ASAP2: variants seen among roughly 807,000 people sequenced by gnomAD.
ASAP2 encodes ArfGAP with SH3 domain, ankyrin repeat and PH domain 2.
In ASAP2, 45 loss-of-function variants were observed where a neutral mutation model predicts 131.4. That is an observed-to-expected ratio of 0.34 (90% confidence interval 0.27 to 0.44). The LOEUF (loss-of-function observed/expected upper bound fraction) is 0.44. Among genes scored for constraint, ASAP2 ranks in the 20% least tolerant of loss-of-function variants. ASAP2 has a pLI of 1.00. For missense variants in ASAP2, 1,011 were observed against 1,297.0 expected (o/e 0.78, Z 3.39); for synonymous variants, 510 against 503.0 (o/e 1.01, Z -0.19).
intron 2 of ASAP2, among the ~76,000 whole-genome samples, chr2:9,282,896 CTGAG>C (rs1165932420): frequency 1.3e-5 from 2 of 152,208 alleles, no homozygotes; most frequent in Non-Finnish European, 2.9e-5. Flanking sequence ...TCACTGCTTC[CTGAG>C]TGTGTGCCAG....
intron 9 of ASAP2, among the ~76,000 whole-genome samples, chr2:9,344,297 C>T (rs1221271755): frequency 5.3e-5 from 8 of 152,098 alleles, no homozygotes; most frequent in Admixed American, 4.6e-4. Flanking sequence ...TTCCTTCAGC[C>T]AGTTTGGGAA....
intron 1 of ASAP2, among the ~76,000 whole-genome samples, chr2:9,264,932 A>G (rs1207675720): frequency 6.6e-6 from 1 of 152,204 alleles, no homozygotes; most frequent in Admixed American, 6.5e-5. Context: ...TGAGCCCAGG[A>G]GTTTGAGACC....
chr2:9,395,594 C>CTTTTTT lies in ASAP2; in HGVS notation c.2684+1973_2684+1978dup. Among the ~76,000 whole-genome samples the CTTTTTT allele has an allele frequency of 6.5e-3, 382 of 59,048 alleles. 38 individuals carry two copies. Among genetic ancestry groups the CTTTTTT allele is most frequent in the Non-Finnish European group, 0.011 (295 of 27,434 alleles). 38.7% of individuals were successfully genotyped at this position (59,048 alleles called of 152,430 possible). A position where few individuals can be genotyped will look rare whatever the true frequency, so the allele number is the denominator to read the frequency against. On this transcript the variant is annotated intron_variant, in intron 24 of 27. Coordinates refer to ENST00000281419, the MANE Select transcript of ASAP2 (RefSeq NM_003887.3). Reference sequence around the variant, plus strand: ...GTTTTGTTTTTCTTGTGTTTTTTTTCTTTTTTTTTTTTTTTTTTTTTTTTT... The same window carrying CTTTTTT: ...GTTTTGTTTTTCTTGTGTTTTTTTTCTTTTTTTTTTTTTTTTTTTTTTTTTTTTTTT...
chr2:9,356,163 G>A lies in ASAP2; in HGVS notation c.1161-16G>A, dbSNP rs761968954. ...TGTTTGTGGAATTTAACACAGCGTT[G>A]CTCTTGTTTTTCTAGATGGATGTCT... is the stretch of plus-strand genomic sequence containing the variant. On this transcript the variant is annotated splice_polypyrimidine_tract_variant and intron_variant, in intron 13 of 27. Coordinates refer to ENST00000281419, the MANE Select transcript of ASAP2 (RefSeq NM_003887.3). The A allele has an allele frequency of 3.7e-6, 6 of 1,613,934 alleles. No individual in the cohort carries two copies. Among genetic ancestry groups the A allele is most frequent in the Admixed American group, 1.7e-5 (1 of 60,002 alleles).
intron 27 of ASAP2, 120 bp downstream of exon 27, chr2:9,401,516 T>A (rs1256754001): frequency 7.6e-7 from 1 of 1,323,480 alleles, no homozygotes; most frequent in African/African-American, 1.5e-5. Context: ...ATGTAGTTCC[T>A]GGTGCCTCCG....
At chr2:9,356,407 A>C in intron 14 of ASAP2, 62 bp downstream of exon 14, 4 of 1,474,476 alleles carry the variant, frequency 2.7e-6, no homozygotes, top group South Asian at 1.4e-5. Context: ...TCTGATTCAC[A>C]GAATCCGTTC....
chr2:9,306,228 TGTA>T (rs1668930180), intron 3 of ASAP2, among the ~76,000 whole-genome samples: 1 of 143,602 alleles, frequency 7.0e-6, no homozygotes, highest in Non-Finnish European at 1.5e-5. Flanking sequence ...CGTGGAGAGT[TGTA>T]GTACTGGGGG....
chr2:9,401,177 G>C, intron 26 of ASAP2, 97 bp from the exon 27 acceptor site: 2 of 1,493,704 alleles, frequency 1.3e-6, no homozygotes, highest in Non-Finnish European at 1.8e-6. Context: ...CCTAGGTACG[G>C]GACTCCTGAG....
In ASAP2 at chr2:9,393,532, A is replaced by G; in HGVS notation, c.2569A>G (p.Met857Val). The G allele has an allele frequency of 6.9e-6, 11 of 1,603,056 alleles. No homozygotes were observed. The highest frequency in any genetic ancestry group is 9.4e-6 in the Non-Finnish European group (11 of 1,175,678). The change falls in exon 24 of 28, where the codon ATG becomes GTG. Residue 857 changes from methionine (M) to valine (V), a missense_variant. Around this residue, in one of 2 missense-constraint regions of ASAP2, gnomAD observed 652 missense variants for 698.9 expected, o/e 0.93. Coordinates refer to ENST00000281419, the MANE Select transcript of ASAP2 (RefSeq NM_003887.3). The part of the protein sequence containing the change: ...PPPVAKTPSV[M>V]EALSQPSKPA... ...ACCCGTTGCCAAGACGCCCAGCGTA[A>G]TGGAAGCCTTGAGCCAGCCGAGCAA... is the stretch of plus-strand genomic sequence containing the variant.
At chr2:9,330,069 C>T (rs1053743222) in intron 7 of ASAP2, among the ~76,000 whole-genome samples, 11 of 152,140 alleles carry the variant, frequency 7.2e-5, no homozygotes, top group Non-Finnish European at 1.3e-4. Context: ...TTACCTGGCA[C>T]GTATTTGCAG....
intron 14 of ASAP2, 30 bp downstream of exon 14, chr2:9,356,375 C>T: frequency 6.5e-7 from 1 of 1,533,086 alleles, no homozygotes; most frequent in Non-Finnish European, 8.8e-7. Context: ...CGACCCTGGG[C>T]TCTAGGACAT....
intron 15 of ASAP2, among the ~76,000 whole-genome samples, chr2:9,366,368 G>T (rs1397660336): frequency 6.6e-6 from 1 of 152,118 alleles, no homozygotes; most frequent in Admixed American, 6.5e-5. Flanking sequence ...CATCAGGGTG[G>T]TTGGCCCCTG....
At chr2:9,285,483 A>C (rs1667405748) in intron 2 of ASAP2, among the ~76,000 whole-genome samples, 1 of 152,246 alleles carries the variant, frequency 6.6e-6, no homozygotes, top group Admixed American at 6.5e-5. Context: ...ATGGCAACCC[A>C]GCCAGCTGTA....
chr2:9,211,279 C>T (rs1253109605), intron 1 of ASAP2, among the ~76,000 whole-genome samples: 1 of 152,144 alleles, frequency 6.6e-6, no homozygotes, highest in South Asian at 2.1e-4. Flanking sequence ...GCAAACTTAG[C>T]AAAGTCTGGT....
At chr2:9,322,508 A>G (rs1670218254) in intron 5 of ASAP2, among the ~76,000 whole-genome samples, 1 of 148,116 alleles carries the variant, frequency 6.8e-6, no homozygotes, top group Admixed American at 6.6e-5. Flanking sequence ...AGCCCACCTT[A>G]GCAGCCACGA....
At chr2:9,212,455 C>A (rs12615983) in intron 1 of ASAP2, among the ~76,000 whole-genome samples, 55,093 of 151,804 alleles carry the variant, frequency 0.36, 10,481 homozygotes, top group East Asian at 0.69. Context: ...CTGGTTCATT[C>A]TGGTCTTCTG....
At chr2:9,328,818 A>G (rs73148723) in intron 7 of ASAP2, among the ~76,000 whole-genome samples, 7,886 of 152,290 alleles carry the variant, frequency 0.052, 605 homozygotes, top group African/African-American at 0.17. Flanking sequence ...CATAGTTCCT[A>G]CTCAAAGAGT....
chr2:9,393,391 T>C, intron 23 of ASAP2, 91 bp from the exon 24 acceptor site: 1 of 1,172,008 alleles, frequency 8.5e-7, no homozygotes, highest in South Asian at 1.7e-5. Context: ...AATAAAAAAC[T>C]GAAGCCCTTC....
intron 17 of ASAP2, 37 bp downstream of exon 17, chr2:9,374,981 A>G (rs1473938602): frequency 3.2e-6 from 5 of 1,538,524 alleles, no homozygotes; most frequent in Non-Finnish European, 4.4e-6. Flanking sequence ...AAAAAAAAAA[A>G]AAAGGCCGGC....
Sources: allele counts gnomAD v4.1 joint callset (sites outside exome capture counted in the v4.1 genomes callset), GRCh38; gene constraint gnomAD v4.1.1; regional missense constraint gnomAD v4.1.1; transcripts MANE v1.5; gene names NCBI Gene and HGNC (gene_info 2026-07-23, HGNC 2026-07-21).